COG5: variants seen among roughly 807,000 people sequenced by gnomAD.
COG5 encodes the protein conserved oligomeric Golgi complex subunit 5.
COG5 carries 86 observed loss-of-function variants against 110.4 expected under a neutral mutation model. That is an observed-to-expected ratio of 0.78 (90% CI 0.65 to 0.93). The LOEUF is 0.93. COG5 is among the 40% of genes least tolerant of loss of function. The probability of loss-of-function intolerance (pLI) is 0.00; values close to 1 mark genes in which losing one functional copy is unlikely to be tolerated. For missense variants in COG5, 1,077 were observed against 987.0 expected (o/e 1.09, Z -1.22); for synonymous variants, 360 against 334.6 (o/e 1.08, Z -0.83).
intron 10 of COG5, among the ~76,000 whole-genome samples, chr7:107,325,422 G>A (rs112913234): frequency 4.1e-4 from 62 of 152,264 alleles, no homozygotes; most frequent in African/African-American, 1.5e-3. Flanking sequence ...AGGCCAAGGC[G>A]GATGGATTAC....
intron 21 of COG5, chr7:107,210,231 A>T: frequency 8.0e-7 from 1 of 1,255,448 alleles, no homozygotes; most frequent in South Asian, 2.7e-5. Flanking sequence ...AAAACTTTTC[A>T]TAGCAAATGA....
chr7:107,465,471 A>G (rs1796243138), intron 6 of COG5, among the ~76,000 whole-genome samples: 1 of 152,206 alleles, frequency 6.6e-6, no homozygotes, highest in African/African-American at 2.4e-5. Flanking sequence ...AATAGTAGAG[A>G]TACTATGTTC....
chr7:107,444,765 T>C (rs1794909056), intron 6 of COG5, among the ~76,000 whole-genome samples: 1 of 152,186 alleles, frequency 6.6e-6, no homozygotes. Context: ...CAAAATTGAA[T>C]TGAAGTTGAG....
At chr7:107,473,955 A>ATTTTTTT in intron 6 of COG5, 4 of 525,378 alleles carry the variant, frequency 7.6e-6, no homozygotes, top group Middle Eastern at 3.9e-4. Context: ...CAATTGAAAG[A>ATTTTTTT]TTTTTTTTCT....
intron 6 of COG5, among the ~76,000 whole-genome samples, chr7:107,449,342 A>C (rs1795195192): frequency 1.3e-5 from 2 of 152,230 alleles, no homozygotes; most frequent in South Asian, 4.1e-4. Flanking sequence ...TGTATCCAAG[A>C]ACTTAAAGTA....
At chr7:107,541,269 G>C (rs1047528449) in intron 5 of COG5, among the ~76,000 whole-genome samples, 1 of 150,694 alleles carries the variant, frequency 6.6e-6, no homozygotes, top group Admixed American at 6.6e-5. Context: ...GGCCAATACA[G>C]GTGGAATGCT....
chr7:107,244,517 A>G (rs1273829876), intron 17 of COG5, among the ~76,000 whole-genome samples: 1 of 152,218 alleles, frequency 6.6e-6, no homozygotes. Context: ...ACCATTCAGA[A>G]GATCAATGAA....
At chr7:107,343,931 A>G (rs1811385622) in intron 10 of COG5, among the ~76,000 whole-genome samples, 1 of 151,784 alleles carries the variant, frequency 6.6e-6, no homozygotes, top group African/African-American at 2.4e-5. Context: ...ATACCACACT[A>G]TAAACAGATG....
intron 6 of COG5, among the ~76,000 whole-genome samples, chr7:107,520,140 A>G (rs1197399797): frequency 1.3e-5 from 2 of 152,188 alleles, no homozygotes; most frequent in African/African-American, 4.8e-5. Context: ...CTGATGGAAC[A>G]TATCTCAAAA....
In COG5 at chr7:107,563,900, G is replaced by A. The variant is rs1371412798; in HGVS notation, c.-4C>T. ...CGCTGCCGCCGCCACCTTCCATGTT[G>A]GCAGGTGCCGGGTTGATGTCGTCAG... On this transcript the variant is annotated 5_prime_UTR_variant, in exon 1 of 22. Transcript: ENST00000297135. 4.3e-6 allele frequency: 7 copies of A among 1,613,546 alleles called. No individual in the cohort carries two copies. The African/African-American group carries it at 8.0e-5, about 18-fold the overall frequency.
intron 21 of COG5, chr7:107,208,620 AGC>A (rs577865176): frequency 7.2e-4 from 713 of 985,426 alleles, no homozygotes; most frequent in Middle Eastern, 5.7e-3. Context: ...CCAAATCCAA[AGC>A]CTTTCCCGAG....
intron 1 of COG5, among the ~76,000 whole-genome samples, chr7:107,561,695 G>A (rs1057114345): frequency 6.6e-5 from 10 of 152,180 alleles, no homozygotes; most frequent in Non-Finnish European, 1.3e-4. Flanking sequence ...GCAGAGACTC[G>A]GCCGGGCGTG....
At chr7:107,281,472 C>T in intron 13 of COG5, 73 bp from the exon 14 acceptor site, 1 of 1,095,570 alleles carries the variant, frequency 9.1e-7, no homozygotes, top group South Asian at 1.3e-5. Context: ...AAGATAAAAA[C>T]TCAAACCCAA....
In COG5 at chr7:107,474,165, A is replaced by G. The variant is rs1796827759; in HGVS notation, c.538+53072T>C. The G allele has an allele frequency of 3.1e-6, 5 of 1,611,740 alleles. No homozygotes were observed. Among genetic ancestry groups the G allele is most frequent in the Non-Finnish European group, 4.2e-6 (5 of 1,178,132 alleles). On this transcript the variant is annotated intron_variant, in intron 6 of 21. Transcript: ENST00000297135. This position sits in a 1 kb window ranked among gnomAD's most constrained non-coding sequence, Gnocchi z 5.7. ...ACACCAATATGTACCAACCACTATC[A>G]TATCCGTTAAGCTTTCAAGTGTCTC...
In COG5 at chr7:107,471,882, A is replaced by T. The variant is rs544558287; in HGVS notation, c.538+55355T>A. On this transcript the variant is annotated intron_variant, in intron 6 of 21. Coordinates refer to ENST00000297135, the MANE Select transcript of COG5 (RefSeq NM_006348.5). ...GAAAACAAACAAAATTAAACAGCAG[A>T]TGGTTTTTATCAAAAGGACATGGCC... 5 of 152,132 alleles carry T rather than the reference A, an allele frequency of 3.3e-5. No individual in the cohort carries two copies. The South Asian group carries it at 1.0e-3, about 32-fold the overall frequency. The allele number at this position is 152,132 out of a possible 1,614,324, so 9.4% of individuals were successfully genotyped here. A position where few individuals can be genotyped will look rare whatever the true frequency, so the allele number is the denominator to read the frequency against.
intron 10 of COG5, among the ~76,000 whole-genome samples, chr7:107,353,196 T>C (rs1055457239): frequency 2.0e-5 from 3 of 151,664 alleles, no homozygotes; most frequent in African/African-American, 4.8e-5. Context: ...GAGGCCGAGG[T>C]GGGCGGATCA....
At chr7:107,490,074 TA>T (rs1797893288) in intron 6 of COG5, among the ~76,000 whole-genome samples, 2 of 152,212 alleles carry the variant, frequency 1.3e-5, no homozygotes, top group African/African-American at 4.8e-5. Context: ...ATGATGTAGT[TA>T]TTTTTTAAAG....
chr7:107,316,847 G>T (rs1037344229), intron 11 of COG5, among the ~76,000 whole-genome samples: 2 of 151,402 alleles, frequency 1.3e-5, no homozygotes, highest in Non-Finnish European at 2.9e-5. Context: ...AAAAAAGAAA[G>T]AAAAGCAGAT....
At chr7:107,420,102 A>G (rs1793173385) in intron 6 of COG5, among the ~76,000 whole-genome samples, 2 of 152,350 alleles carry the variant, frequency 1.3e-5, no homozygotes, top group Middle Eastern at 3.4e-3. Flanking sequence ...AAACAGGTAC[A>G]TCTTTTCAGA....
Sources: allele counts gnomAD v4.1 joint callset (sites outside exome capture counted in the v4.1 genomes callset), GRCh38; gene constraint gnomAD v4.1.1; non-coding constraint Gnocchi (gnomAD v3.1); transcripts MANE v1.5; gene names NCBI Gene and HGNC (gene_info 2026-07-23, HGNC 2026-07-21).